Variants in RBFOX1 observed in about 807,000 individuals in gnomAD.
RBFOX1 encodes the protein RNA binding protein fox-1 homolog 1.
In RBFOX1, 8 loss-of-function variants were observed where a neutral mutation model predicts 57.7. The observed-to-expected ratio is 0.14, with a 90% CI of 0.08 to 0.25. RBFOX1 has a LOEUF of 0.25. RBFOX1 is among the 10% of genes least tolerant of loss of function. The pLI is 1.00. For synonymous variants in RBFOX1, 326 were observed against 222.4 expected, an observed-to-expected ratio of 1.47 and a Z score of -4.15; for missense variants, 611 against 548.5, an observed-to-expected ratio of 1.11 and a Z score of -1.14.
intron 4 of RBFOX1, among the ~76,000 whole-genome samples, chr16:7,415,140 C>A (rs1284333357): frequency 1.3e-5 from 2 of 152,172 alleles, no homozygotes; most frequent in Admixed American, 1.3e-4. Flanking sequence ...ATTTTGTTAC[C>A]ATTTTCTGTA....
intron 2 of RBFOX1, among the ~76,000 whole-genome samples, chr16:6,365,659 T>C (rs2089471608): frequency 6.6e-6 from 1 of 152,204 alleles, no homozygotes. Context: ...CTAGGCATGT[T>C]TTGAAGCAAT....
At chr16:7,568,290 G>A (rs2092349342) in intron 5 of RBFOX1, among the ~76,000 whole-genome samples, 1 of 152,162 alleles carries the variant, frequency 6.6e-6, no homozygotes, top group African/African-American at 2.4e-5. Context: ...GATTATTCAT[G>A]AGTTTTCTGG....
intron 3 of RBFOX1, among the ~76,000 whole-genome samples, chr16:6,916,453 A>C (rs867380984): frequency 6.6e-6 from 1 of 150,572 alleles, no homozygotes; most frequent in Non-Finnish European, 1.5e-5. Flanking sequence ...GGTCTAATAC[A>C]CCTTTGGTTA....
At chr16:6,363,813 T>C (rs2089071756) in intron 2 of RBFOX1, among the ~76,000 whole-genome samples, 1 of 152,238 alleles carries the variant, frequency 6.6e-6, no homozygotes, top group Non-Finnish European at 1.5e-5. Context: ...TCTTGTTACT[T>C]TTTAATGAAG....
At chr16:5,582,161 GC>G (rs2046688854) in intron 2 of RBFOX1, among the ~76,000 whole-genome samples, 1 of 152,182 alleles carries the variant, frequency 6.6e-6, no homozygotes, top group Non-Finnish European at 1.5e-5. Context: ...TATTACTCTC[GC>G]CCCGGGAGTA....
intron 2 of RBFOX1, among the ~76,000 whole-genome samples, chr16:6,409,172 G>C (rs942212015): frequency 6.6e-6 from 1 of 152,294 alleles, no homozygotes; most frequent in African/African-American, 2.4e-5. Context: ...CCAGCATTGT[G>C]GGAGGCCAAG....
chr16:5,881,271 T>C (rs1293254449), intron 4 of RBFOX1, among the ~76,000 whole-genome samples: 1 of 152,210 alleles, frequency 6.6e-6, no homozygotes, highest in Non-Finnish European at 1.5e-5. Context: ...ATGTTTGATT[T>C]TGTTGCATGT....
intron 2 of RBFOX1, among the ~76,000 whole-genome samples, chr16:6,460,299 C>G (rs777868700): frequency 5.3e-5 from 8 of 152,088 alleles, no homozygotes; most frequent in Non-Finnish European, 1.2e-4. Context: ...TATAAGAACA[C>G]TGGTCATAGT....
At chr16:6,936,825 T>C (rs1381556592) in intron 3 of RBFOX1, among the ~76,000 whole-genome samples, 2 of 152,040 alleles carry the variant, frequency 1.3e-5, no homozygotes, top group Admixed American at 6.6e-5. Context: ...AAAGAGGTTC[T>C]TTCCGAATGC....
At chr16:7,511,348 TG>T (rs936300066) in intron 4 of RBFOX1, among the ~76,000 whole-genome samples, 6 of 152,144 alleles carry the variant, frequency 3.9e-5, no homozygotes, top group Non-Finnish European at 8.8e-5. Context: ...AGAAGGGCAA[TG>T]TCTTGGGGAA....
At chr16:6,428,336 T>C (rs2093987732) in intron 2 of RBFOX1, among the ~76,000 whole-genome samples, 1 of 147,238 alleles carries the variant, frequency 6.8e-6, no homozygotes, top group Non-Finnish European at 1.5e-5. Flanking sequence ...TAGCATTCCA[T>C]ACATTGACTA....
At position 7,607,196 on chromosome 16, in the gene RBFOX1, C is replaced by G. The variant is rs572425156; in HGVS notation, c.623-89C>G. ...ACATTTTAAAATACAAAATGAGATA[C>G]TTTAACCCATTTGATTTGTGATTCA... On this transcript the variant is annotated intron_variant, in intron 9 of 15. Coordinates refer to ENST00000550418, the MANE Select transcript of RBFOX1 (RefSeq NM_018723.4). 4.6e-4 allele frequency: 569 copies of G among 1,241,842 alleles called. 1 individual carries two copies. The highest frequency in any genetic ancestry group is 2.7e-3 in the Admixed American group (133 of 48,446). 76.9% of individuals were successfully genotyped at this position (1,241,842 alleles called of 1,614,324 possible). A position where few individuals can be genotyped will look rare whatever the true frequency, so the allele number is the denominator to read the frequency against.
At chr16:5,254,199 C>T (rs2062526515) in intron 1 of RBFOX1, among the ~76,000 whole-genome samples, 1 of 152,168 alleles carries the variant, frequency 6.6e-6, no homozygotes, top group Non-Finnish European at 1.5e-5. Flanking sequence ...ATGTAACTTG[C>T]TCAGTATTAG....
Position 7,376,584 on chromosome 16 carries a change from C to G in RBFOX1, c.28-141563C>G, listed in dbSNP as rs77419419. ...TTTTCTGGGTTAGACCTCCAGCTAA[C>G]TACCAGGGGATGTCATGTTATGTAA... On this transcript the variant is annotated intron_variant, in intron 4 of 15. Transcript: ENST00000550418. Among the ~76,000 whole-genome samples, 835 of 152,254 alleles carry G rather than the reference C, an allele frequency of 5.5e-3. 55 individuals are homozygous for G. In the East Asian group the frequency reaches 0.14, roughly 25 times the overall value.
In RBFOX1 at chr16:5,820,743, C is replaced by G. The variant is rs541395284; in HGVS notation, c.319-46560C>G. On this transcript the variant is annotated intron_variant, in intron 3 of 19. Coordinates refer to the RBFOX1 transcript ENST00000641259. Reference sequence around the variant, plus strand: ...GTCCTGAGTGACACCGTTCCCCCGTCTGTCTCCTGTGCTCTCCCAGCCTCA... The same window carrying G: ...GTCCTGAGTGACACCGTTCCCCCGTGTGTCTCCTGTGCTCTCCCAGCCTCA... Among the ~76,000 whole-genome samples the G allele has an allele frequency of 6.6e-5, 10 of 152,330 alleles. No homozygotes were observed. In the South Asian group the frequency reaches 2.1e-3, roughly 32 times the overall value.
intron 4 of RBFOX1, among the ~76,000 whole-genome samples, chr16:7,413,947 T>G (rs1048768241): frequency 6.6e-6 from 1 of 152,132 alleles, no homozygotes; most frequent in African/African-American, 2.4e-5. Context: ...CATTAGTAAT[T>G]ACTTTCCAAA....
chr16:6,883,409 A>C (rs1325224493), intron 3 of RBFOX1, among the ~76,000 whole-genome samples: 1 of 152,204 alleles, frequency 6.6e-6, no homozygotes, highest in African/African-American at 2.4e-5. Context: ...AAATCCAATC[A>C]ACTTAATTAA....
intron 1 of RBFOX1, among the ~76,000 whole-genome samples, chr16:6,093,977 C>T (rs1158750243): frequency 4.6e-5 from 7 of 152,114 alleles, no homozygotes; most frequent in Admixed American, 4.6e-4. Context: ...CTGGCTTTCG[C>T]AAAAGAGAAA....
chr16:5,823,663 A>T (rs1356746368), intron 3 of RBFOX1, among the ~76,000 whole-genome samples: 3 of 152,134 alleles, frequency 2.0e-5, no homozygotes, highest in Non-Finnish European at 4.4e-5. Context: ...CAGTGGCAGC[A>T]TTAGATTATC....
Sources: allele counts gnomAD v4.1 joint callset (sites outside exome capture counted in the v4.1 genomes callset), GRCh38; gene constraint gnomAD v4.1.1; transcripts MANE v1.5; gene names NCBI Gene and HGNC (gene_info 2026-07-23, HGNC 2026-07-21).